Variants in AP3B1 observed in about 807,000 individuals in gnomAD.
AP3B1 encodes adaptor related protein complex 3 subunit beta 1, also known as AP-3 complex subunit beta-1.
In AP3B1, 61 loss-of-function variants were observed where a neutral mutation model predicts 132.5. The observed-to-expected ratio is 0.46, with a 90% CI of 0.37 to 0.57. The LOEUF is 0.57. Among genes scored for constraint, AP3B1 ranks in the 20% least tolerant of loss-of-function variants. The probability of loss-of-function intolerance (pLI) is 0.00; values close to 1 mark genes in which losing one functional copy is unlikely to be tolerated. For missense variants in AP3B1, 1,120 were observed against 1,289.4 expected (o/e 0.87, Z 2.01); for synonymous variants, 388 against 438.3 (o/e 0.89, Z 1.43).
Position 78,267,562 on chromosome 5 carries a change from G to T in AP3B1, c.162C>A (p.Asn54Lys), listed in dbSNP as rs1353667752. 1.9e-6 allele frequency: 3 copies of T among 1,610,914 alleles called. No homozygotes were observed. Among genetic ancestry groups the T allele is most frequent in the Non-Finnish European group, 2.5e-6 (3 of 1,178,190 alleles). ...NEDLKQMLES[N>K]KDSAKLDAMK... ...TAGCATCCAGTTTAGCAGAATCTTTGTTGCTCTCTAACATTTGCTTTAGAT... is the reference window on the plus strand; with the variant it reads ...TAGCATCCAGTTTAGCAGAATCTTTTTTGCTCTCTAACATTTGCTTTAGAT... The change falls in exon 2 of 27, where the codon AAC (asparagine) becomes AAA (lysine). Residue 54 changes from asparagine (N) to lysine (K), a missense_variant. Around this residue, in one of 3 missense-constraint regions of AP3B1, gnomAD observed 85 missense variants for 79.9 expected, o/e 1.06. Coordinates refer to ENST00000255194, the MANE Select transcript of AP3B1 (RefSeq NM_003664.5).
chr5:78,036,648 T>C (rs1747820944), intron 23 of AP3B1, among the ~76,000 whole-genome samples: 2 of 152,086 alleles, frequency 1.3e-5, no homozygotes, highest in South Asian at 4.1e-4. Flanking sequence ...TTCCTAATAT[T>C]CTTGTAAGGA....
chr5:78,160,352 T>C (rs1561447891), intron 13 of AP3B1, among the ~76,000 whole-genome samples: 1 of 152,168 alleles, frequency 6.6e-6, no homozygotes. Flanking sequence ...TAAATTTCGC[T>C]AATATGTTAC....
At chr5:78,040,127 C>T (rs1291718030) in intron 22 of AP3B1, among the ~76,000 whole-genome samples, 1 of 151,792 alleles carries the variant, frequency 6.6e-6, no homozygotes, top group Non-Finnish European at 1.5e-5. Flanking sequence ...GTGGCTTCTT[C>T]CTTTGCCTTA....
chr5:78,282,848 C>CAAA (rs70997985), intron 1 of AP3B1, among the ~76,000 whole-genome samples: 213 of 129,372 alleles, frequency 1.6e-3, no homozygotes, highest in African/African-American at 5.5e-3. Flanking sequence ...TTGTCTCTAC[C>CAAA]AAAAAAAAAA....
At chr5:78,015,375 ATCT>A (rs747733835) in intron 26 of AP3B1, 32 bp downstream of exon 26, 3 of 1,609,718 alleles carry the variant, frequency 1.9e-6, no homozygotes, top group Non-Finnish European at 2.6e-6. Flanking sequence ...TATTCAAGTC[ATCT>A]TCACCTCCAC....
intron 22 of AP3B1, among the ~76,000 whole-genome samples, chr5:78,041,573 A>G (rs1355183538): frequency 2.6e-5 from 4 of 151,600 alleles, no homozygotes; most frequent in Non-Finnish European, 5.9e-5. Flanking sequence ...AAAAAATAAT[A>G]ATAATAAAAT....
chr5:78,053,563 C>T, intron 22 of AP3B1, among the ~76,000 whole-genome samples: 1 of 151,494 alleles, frequency 6.6e-6, no homozygotes, highest in Admixed American at 6.6e-5. Flanking sequence ...GCCTGTAATC[C>T]CAGCTACTCA....
intron 8 of AP3B1, 59 bp downstream of exon 8, chr5:78,181,448 T>C: frequency 6.6e-7 from 1 of 1,526,418 alleles, no homozygotes; most frequent in Non-Finnish European, 9.0e-7. Flanking sequence ...AATTGAGATA[T>C]TTTTAATTGC....
intron 3 of AP3B1, among the ~76,000 whole-genome samples, chr5:78,236,043 A>G (rs1032788331): frequency 6.6e-6 from 1 of 152,208 alleles, no homozygotes; most frequent in Admixed American, 6.5e-5. Context: ...CCATGTTTCA[A>G]AAAAATAAAA....
intron 25 of AP3B1, among the ~76,000 whole-genome samples, chr5:78,019,836 CTGGAAGTTTGA>C (rs1747015975): frequency 6.6e-6 from 1 of 151,900 alleles, no homozygotes; most frequent in Admixed American, 6.6e-5. Flanking sequence ...CTAGTACGTT[CTGGAAGTTTGA>C]TGGGTATGAT....
intron 14 of AP3B1, among the ~76,000 whole-genome samples, chr5:78,151,442 T>C (rs1753645007): frequency 6.6e-6 from 1 of 152,206 alleles, no homozygotes; most frequent in Non-Finnish European, 1.5e-5. Context: ...TTTCAGAGCT[T>C]GGATGAAAGG....
intron 24 of AP3B1, among the ~76,000 whole-genome samples, chr5:78,033,407 C>A (rs1427317524): frequency 6.6e-6 from 1 of 151,772 alleles, no homozygotes; most frequent in African/African-American, 2.4e-5. Context: ...AGGTTCTCGG[C>A]AATAAAAGGT....
intron 22 of AP3B1, among the ~76,000 whole-genome samples, chr5:78,084,157 C>T (rs956650759): frequency 2.0e-5 from 3 of 151,730 alleles, no homozygotes; most frequent in Admixed American, 2.0e-4. Context: ...TGAAAAAAAA[C>T]CAAGTGATTT....
At chr5:78,122,751 C>T (rs907327963) in intron 17 of AP3B1, among the ~76,000 whole-genome samples, 3 of 152,044 alleles carry the variant, frequency 2.0e-5, no homozygotes, top group Admixed American at 6.6e-5. Context: ...GAATCAATAC[C>T]GTGAAAATGG....
intron 22 of AP3B1, among the ~76,000 whole-genome samples, chr5:78,055,266 A>G (rs1345073706): frequency 6.6e-6 from 1 of 152,166 alleles, no homozygotes; most frequent in Non-Finnish European, 1.5e-5. Flanking sequence ...TTCTCAGGCT[A>G]TACGTATTTT....
chr5:78,148,540 A>G (rs1482945094), intron 14 of AP3B1, among the ~76,000 whole-genome samples: 2 of 151,950 alleles, frequency 1.3e-5, no homozygotes, highest in African/African-American at 4.8e-5. Context: ...TTTTATTCTG[A>G]CCTCCATTTA....
intron 7 of AP3B1, among the ~76,000 whole-genome samples, chr5:78,184,476 G>A (rs1475949885): frequency 1.3e-5 from 2 of 151,844 alleles, no homozygotes; most frequent in African/African-American, 4.8e-5. Flanking sequence ...CACGAGGTCA[G>A]GAGATTGAGA....
intron 22 of AP3B1, among the ~76,000 whole-genome samples, chr5:78,048,982 G>A (rs1056188839): frequency 6.6e-6 from 1 of 152,146 alleles, no homozygotes; most frequent in Non-Finnish European, 1.5e-5. Context: ...CTCAGGTAAG[G>A]CTTTTGATTA....
intron 8 of AP3B1, among the ~76,000 whole-genome samples, chr5:78,180,557 C>CTAA (rs1434093516): frequency 6.6e-6 from 1 of 151,720 alleles, no homozygotes; most frequent in Non-Finnish European, 1.5e-5. Flanking sequence ...AGATGCAATG[C>CTAA]ATTAGATAAT....
Sources: gnomAD v4.1 joint callset for allele counts (sites outside exome capture counted in the v4.1 genomes callset) on GRCh38, gnomAD v4.1.1 for gene constraint, gnomAD v4.1.1 regional missense constraint, MANE v1.5 for transcripts, NCBI Gene and HGNC (gene_info 2026-07-23, HGNC 2026-07-21) for gene names.